TGFA: variants seen among roughly 807,000 people sequenced by gnomAD.
TGFA encodes the protein protransforming growth factor alpha.
Under a neutral mutation model 21.7 loss-of-function variants are expected in TGFA, and 12 were observed. That is an observed-to-expected ratio of 0.55 (90% confidence interval 0.35 to 0.90). TGFA has a LOEUF of 0.90. Among genes scored for constraint, TGFA ranks in the 40% least tolerant of loss-of-function variants. The probability of loss-of-function intolerance (pLI) is 0.01; values close to 1 mark genes in which losing one functional copy is unlikely to be tolerated. For synonymous variants in TGFA, 79 were observed against 88.1 expected (o/e 0.90, Z 0.58); for missense variants, 178 against 210.8 (o/e 0.84, Z 0.96).
At chr2:70,519,142 T>G in intron 1 of TGFA, among the ~76,000 whole-genome samples, 1 of 151,106 alleles carries the variant, frequency 6.6e-6, no homozygotes, top group African/African-American at 2.4e-5. Flanking sequence ...CAGAAGGGAG[T>G]GTGGGTATTC....
At chr2:70,539,209 G>A (rs1396457386) in intron 1 of TGFA, among the ~76,000 whole-genome samples, 2 of 152,150 alleles carry the variant, frequency 1.3e-5, no homozygotes, top group Admixed American at 1.3e-4. Context: ...AAACCAAAAA[G>A]TTCATGTGAC....
At chr2:70,470,386 A>G (rs925782217) in intron 2 of TGFA, among the ~76,000 whole-genome samples, 14 of 152,208 alleles carry the variant, frequency 9.2e-5, no homozygotes, top group African/African-American at 3.1e-4. Context: ...CTTAGCAAGG[A>G]TGTATAAGGT....
At chr2:70,477,210 T>C (rs1322078431) in intron 2 of TGFA, among the ~76,000 whole-genome samples, 1 of 152,234 alleles carries the variant, frequency 6.6e-6, no homozygotes, top group Admixed American at 6.5e-5. Flanking sequence ...CCTCATGTTT[T>C]ATCAATAAAA....
intron 2 of TGFA, among the ~76,000 whole-genome samples, chr2:70,490,110 A>G (rs1381627161): frequency 6.6e-6 from 1 of 152,246 alleles, no homozygotes; most frequent in Non-Finnish European, 1.5e-5. Flanking sequence ...TCTAGTATAC[A>G]CACAAATAGA....
In TGFA at chr2:70,492,618, TTC is replaced by T. The variant is rs531550339; in HGVS notation, c.94+22239_94+22240del. On this transcript the variant is annotated intron_variant, in intron 2 of 5. Coordinates refer to ENST00000295400, the MANE Select transcript of TGFA (RefSeq NM_003236.4). ...GATTCAGGCCCAGGCTTCTGTTTTC[TTC>T]TCTCACTGTATGAGGCTTTGTTCAC... 2.5e-4 allele frequency among the ~76,000 whole-genome samples: 38 copies of T among 152,352 alleles called. No homozygotes were observed. The East Asian group carries it at 7.1e-3, about 29-fold the overall frequency.
chr2:70,510,501 G>A (rs1390372547), intron 2 of TGFA, among the ~76,000 whole-genome samples: 2 of 152,030 alleles, frequency 1.3e-5, no homozygotes, highest in Non-Finnish European at 2.9e-5. Flanking sequence ...CAATAGATGA[G>A]GAAACAAATC....
At chr2:70,527,803 G>A (rs1317244568) in intron 1 of TGFA, among the ~76,000 whole-genome samples, 10 of 152,210 alleles carry the variant, frequency 6.6e-5, no homozygotes, top group Non-Finnish European at 1.5e-4. Context: ...ATTACCAGCT[G>A]ATGACAGTTA....
intron 2 of TGFA, among the ~76,000 whole-genome samples, chr2:70,498,021 A>G (rs1670947063): frequency 6.6e-6 from 1 of 152,246 alleles, no homozygotes; most frequent in East Asian, 1.9e-4. Context: ...GTATTTTTAT[A>G]ACCAAAGAAA....
chr2:70,488,497 T>C (rs1671332718), intron 2 of TGFA, among the ~76,000 whole-genome samples: 1 of 152,248 alleles, frequency 6.6e-6, no homozygotes, highest in Non-Finnish European at 1.5e-5. Context: ...TAACTCACTT[T>C]CAGTCTTTCT....
At chr2:70,534,535 A>T (rs1325201427) in intron 1 of TGFA, among the ~76,000 whole-genome samples, 1 of 152,102 alleles carries the variant, frequency 6.6e-6, no homozygotes, top group Non-Finnish European at 1.5e-5. Context: ...AAACACCTTT[A>T]AAAAAAATTT....
intron 1 of TGFA, among the ~76,000 whole-genome samples, chr2:70,541,381 G>GA (rs1673127377): frequency 1.3e-5 from 2 of 152,210 alleles, no homozygotes; most frequent in South Asian, 4.1e-4. Context: ...GTTGTGAAGG[G>GA]AAAAAAATGA....
At chr2:70,467,367 C>G (rs58875397) in intron 2 of TGFA, 1 of 152,210 alleles carries the variant, frequency 6.6e-6, no homozygotes, top group Admixed American at 6.5e-5. Flanking sequence ...ATGACTCTCA[C>G]GAGCTTGGGG....
intron 5 of TGFA, 118 bp from the exon 6 acceptor site, chr2:70,450,984 C>A (rs782392738): frequency 2.4e-6 from 3 of 1,260,892 alleles, no homozygotes; most frequent in Admixed American, 4.0e-5. Context: ...TTCTCTCGGG[C>A]AGTTAGGCCC....
chr2:70,549,163 T>A (rs912000726), intron 1 of TGFA, among the ~76,000 whole-genome samples: 1 of 152,192 alleles, frequency 6.6e-6, no homozygotes, highest in Non-Finnish European at 1.5e-5. Context: ...TTTAATAACA[T>A]GGGATCGTTA....
intron 2 of TGFA, among the ~76,000 whole-genome samples, chr2:70,513,830 T>A (rs1553501255): frequency 6.6e-6 from 1 of 152,026 alleles, no homozygotes; most frequent in Non-Finnish European, 1.5e-5. Flanking sequence ...GCTAGTGCAG[T>A]AACAGATGGG....
rs1209489072 is a variant in TGFA, at chr2:70,448,409, G to A, written c.*2450C>T. 6.6e-6 allele frequency: 1 copy of A among 152,142 alleles called. No individual in the cohort carries two copies. The highest frequency in any genetic ancestry group is 1.9e-4 in the East Asian group (1 of 5,198). The allele number at this position is 152,142 out of a possible 1,614,324, so 9.4% of individuals were successfully genotyped here. On this transcript the variant is annotated 3_prime_UTR_variant, in exon 6 of 6. Coordinates refer to ENST00000295400, the MANE Select transcript of TGFA (RefSeq NM_003236.4). ...TGCCAGGTGTGTGGCAGCTTACCAGGTCAGGATGTTAAATGATTCTCTAAT... is the reference window on the plus strand; with the variant it reads ...TGCCAGGTGTGTGGCAGCTTACCAGATCAGGATGTTAAATGATTCTCTAAT...
In TGFA at chr2:70,541,959, C is replaced by T. The variant is rs11466198; in HGVS notation, c.40+11769G>A. ...CAGCACGCAGACCGGCCTGATGATG[C>T]GATCCTCCACTGCAAAACTTAAAAC... is the stretch of plus-strand genomic sequence containing the variant. On this transcript the variant is annotated intron_variant, in intron 1 of 5. Transcript: ENST00000295400. Among the ~76,000 whole-genome samples, 227 of 152,258 alleles carry T rather than the reference C, an allele frequency of 1.5e-3. 1 individual carries two copies. Among genetic ancestry groups the T allele is most frequent in the African/African-American group, 5.2e-3 (214 of 41,552 alleles).
At chr2:70,493,745 A>C (rs913562455) in intron 2 of TGFA, among the ~76,000 whole-genome samples, 3 of 152,214 alleles carry the variant, frequency 2.0e-5, no homozygotes, top group African/African-American at 7.2e-5. Flanking sequence ...GGAGGAACAG[A>C]ACTTTAGAGC....
intron 1 of TGFA, among the ~76,000 whole-genome samples, chr2:70,533,513 A>C (rs1430177279): frequency 2.0e-5 from 3 of 152,216 alleles, no homozygotes; most frequent in African/African-American, 7.2e-5. Flanking sequence ...CAGAATTTTT[A>C]AAAGAAGCTA....
Sources: allele counts gnomAD v4.1 joint callset (sites outside exome capture counted in the v4.1 genomes callset), GRCh38; gene constraint gnomAD v4.1.1; transcripts MANE v1.5; gene names NCBI Gene and HGNC (gene_info 2026-07-23, HGNC 2026-07-21).